The following KIAA1217 variants were observed in gnomAD, a reference collection of about 807,000 sequenced individuals.
KIAA1217 encodes the protein sickle tail protein homolog.
KIAA1217 carries 88 observed loss-of-function variants against 163.9 expected under a neutral mutation model. The observed-to-expected ratio is 0.54, with a 90% confidence interval of 0.45 to 0.64. The LOEUF (loss-of-function observed/expected upper bound fraction) is 0.64, where lower values mean the gene tolerates loss of function less well. KIAA1217 is among the 30% of genes least tolerant of loss of function. The pLI, the probability that KIAA1217 is intolerant of heterozygous loss-of-function variation, is 0.00. For missense variants in KIAA1217, 2,372 were observed against 2,475.0 expected (o/e 0.96, Z 0.88); for synonymous variants, 903 against 923.1 (o/e 0.98, Z 0.39).
At chr10:23,855,438 G>A (rs920504164) in intron 1 of KIAA1217, among the ~76,000 whole-genome samples, 5 of 152,240 alleles carry the variant, frequency 3.3e-5, no homozygotes, top group African/African-American at 1.2e-4. Context: ...CTGTCTGGCT[G>A]CCCTTAACAT....
At chr10:24,330,397 G>A (rs751601301) in intron 2 of KIAA1217, among the ~76,000 whole-genome samples, 6 of 151,972 alleles carry the variant, frequency 3.9e-5, no homozygotes, top group South Asian at 2.1e-4. Context: ...TTAAGAGGAC[G>A]TAAAAGGAGA....
chr10:23,873,847 C>T (rs536261807), intron 1 of KIAA1217, among the ~76,000 whole-genome samples: 1 of 152,058 alleles, frequency 6.6e-6, no homozygotes, highest in South Asian at 2.1e-4. Flanking sequence ...ACATGTAGCA[C>T]GACAGTAAGG....
At chr10:23,901,622 T>TC (rs1841957383) in intron 1 of KIAA1217, among the ~76,000 whole-genome samples, 3 of 151,944 alleles carry the variant, frequency 2.0e-5, no homozygotes, top group Non-Finnish European at 4.4e-5. Flanking sequence ...AGAACTGAAA[T>TC]ATTTGGCTAG....
rs935828805 is a variant in KIAA1217, at chr10:24,547,723, T to G, written c.*1399T>G. The stretch of plus-strand genomic sequence containing the variant: ...TCTCTGTGGCTTATCAAGGTGTAGA[T>G]GACAGAAAGCAAACCTGGATACAGA... On this transcript the variant is annotated 3_prime_UTR_variant, in exon 21 of 21. Transcript: ENST00000376454. The G allele has an allele frequency of 6.6e-6, 1 of 152,166 alleles. No homozygotes were observed. The highest frequency in any genetic ancestry group is 1.5e-5 in the Non-Finnish European group (1 of 68,032). 9.4% of individuals were successfully genotyped at this position (152,166 alleles called of 1,614,324 possible).
intron 2 of KIAA1217, among the ~76,000 whole-genome samples, chr10:24,323,850 G>GT (rs1195841774): frequency 2.1e-5 from 3 of 145,358 alleles, no homozygotes; most frequent in Admixed American, 6.9e-5. Flanking sequence ...ACTTAGGGTG[G>GT]TTTTTTTTCG....
chr10:24,095,524 C>T (rs1169733717), intron 2 of KIAA1217, among the ~76,000 whole-genome samples: 4 of 152,188 alleles, frequency 2.6e-5, no homozygotes, highest in Non-Finnish European at 5.9e-5. Context: ...CTCCAGCCTT[C>T]CTCCCACTGC....
chr10:24,513,785 T>C (rs2069586905), intron 10 of KIAA1217, among the ~76,000 whole-genome samples: 1 of 100,158 alleles, frequency 1.0e-5, no homozygotes, highest in Non-Finnish European at 2.0e-5. Flanking sequence ...ATCCTGTCTC[T>C]TAAAAAAAAA....
chr10:24,538,528 G>A (rs2074376525), intron 17 of KIAA1217, among the ~76,000 whole-genome samples: 1 of 142,816 alleles, frequency 7.0e-6, no homozygotes, highest in Admixed American at 7.0e-5. Context: ...GAGATATGGA[G>A]GGAGAGAGGG....
chr10:23,907,170 C>A (rs867601137), intron 1 of KIAA1217, among the ~76,000 whole-genome samples: 2 of 152,050 alleles, frequency 1.3e-5, no homozygotes, highest in Non-Finnish European at 1.5e-5. Context: ...AGTTATTCAA[C>A]AAATAGGCTG....
chr10:23,743,052 CA>C (rs1367433345), intron 1 of KIAA1217, among the ~76,000 whole-genome samples: 1 of 152,036 alleles, frequency 6.6e-6, no homozygotes, highest in African/African-American at 2.4e-5. Context: ...GGATCAAAGC[CA>C]AAACTAGCAC....
intron 3 of KIAA1217, among the ~76,000 whole-genome samples, chr10:24,402,523 C>CAAAAAAAAAAAAAAAAA (rs1173653514): frequency 4.2e-5 from 3 of 71,022 alleles, no homozygotes; most frequent in African/African-American, 1.4e-4. Context: ...AAACAAAAAA[C>CAAAAAAAAAAAAAAAAA]AAAACAAAAA....
intron 2 of KIAA1217, among the ~76,000 whole-genome samples, chr10:24,183,833 T>C (rs1346461709): frequency 1.3e-5 from 2 of 152,272 alleles, no homozygotes; most frequent in South Asian, 2.1e-4. Flanking sequence ...GAATCTATTC[T>C]ATATGCTATA....
intron 3 of KIAA1217, among the ~76,000 whole-genome samples, chr10:24,392,756 T>C (rs555236863): frequency 6.6e-6 from 1 of 152,360 alleles, no homozygotes; most frequent in African/African-American, 2.4e-5. Flanking sequence ...TACTTTTAGA[T>C]GTTCTGCAAT....
At chr10:24,080,351 A>G (rs1226396007) in intron 2 of KIAA1217, among the ~76,000 whole-genome samples, 1 of 152,146 alleles carries the variant, frequency 6.6e-6, no homozygotes, top group Non-Finnish European at 1.5e-5. Flanking sequence ...GTTTTATTTA[A>G]GAAGACGGAA....
chr10:24,538,145 TG>T, intron 17 of KIAA1217, among the ~76,000 whole-genome samples: 1 of 152,296 alleles, frequency 6.6e-6, no homozygotes. Flanking sequence ...AGGAGGTAGA[TG>T]TAGTATCACA....
chr10:24,449,120 G>T (rs1187089950), intron 5 of KIAA1217, among the ~76,000 whole-genome samples: 1 of 152,218 alleles, frequency 6.6e-6, no homozygotes, highest in Non-Finnish European at 1.5e-5. Context: ...GACTCTTACA[G>T]AAATGATTAG....
At chr10:23,935,993 G>A (rs1843509979) in intron 1 of KIAA1217, among the ~76,000 whole-genome samples, 1 of 152,124 alleles carries the variant, frequency 6.6e-6, no homozygotes, top group Admixed American at 6.5e-5. Context: ...GACCTAATAG[G>A]AGCCATGATG....
chr10:23,722,178 G>T (rs899772701), intron 1 of KIAA1217, among the ~76,000 whole-genome samples: 5 of 152,260 alleles, frequency 3.3e-5, no homozygotes, highest in Admixed American at 2.6e-4. Flanking sequence ...GTTCCCTGAG[G>T]CTGGGGGAAG....
chr10:23,842,215 C>T (rs1045410232), intron 1 of KIAA1217, among the ~76,000 whole-genome samples: 2 of 152,130 alleles, frequency 1.3e-5, no homozygotes, highest in African/African-American at 4.8e-5. Context: ...TTCCCTCTTA[C>T]TGCAGACCAG....
Sources: gnomAD v4.1 joint callset for allele counts (sites outside exome capture counted in the v4.1 genomes callset) on GRCh38, gnomAD v4.1.1 for gene constraint, MANE v1.5 for transcripts, NCBI Gene and HGNC (gene_info 2026-07-23, HGNC 2026-07-21) for gene names.